Variants in MCM8 observed in about 807,000 individuals in gnomAD.
MCM8 encodes the protein DNA helicase MCM8.
In MCM8, 85 loss-of-function variants were observed where a neutral mutation model predicts 98.9. The observed-to-expected ratio is 0.86, with a 90% CI of 0.72 to 1.03. MCM8 has a LOEUF of 1.03. MCM8 is among the 50% of genes least tolerant of loss of function. MCM8 has a pLI of 0.00. For synonymous variants in MCM8, 352 were observed against 338.6 expected, an observed-to-expected ratio of 1.04 and a Z score of -0.44; for missense variants, 951 against 997.8, an observed-to-expected ratio of 0.95 and a Z score of 0.63.
At position 5,984,839 on chromosome 20, in the gene MCM8, A is replaced by G. The variant is rs781138720; in HGVS notation, c.1792A>G (p.Asn598Asp). Residue 598 changes from asparagine to aspartate, a missense_variant, in exon 15 of 19, where the codon AAT becomes GAT. Coordinates refer to ENST00000610722, the MANE Select transcript of MCM8 (RefSeq NM_032485.6). Reference sequence around the variant, plus strand: ...GGTCTTTATCCTGTTAGATACTCCAAATGAGCATCATGATCACTTACTCTC... The same window carrying G: ...GGTCTTTATCCTGTTAGATACTCCAGATGAGCATCATGATCACTTACTCTC... Reference protein sequence around the residue: ...DLVFILLDTPNEHHDHLLSEH... With the variant: ...DLVFILLDTPDEHHDHLLSEH... 1 of 1,614,130 alleles carries G rather than the reference A, an allele frequency of 6.2e-7. No individual in the cohort carries two copies. The highest frequency in any genetic ancestry group is 1.1e-5 in the South Asian group (1 of 91,080).
intron 12 of MCM8, among the ~76,000 whole-genome samples, chr20:5,977,155 T>C (rs2089528553): frequency 6.6e-6 from 1 of 152,182 alleles, no homozygotes; most frequent in Non-Finnish European, 1.5e-5. Flanking sequence ...AGGATAACAG[T>C]GGGTGTTTGA....
intron 17 of MCM8, chr20:5,991,141 A>G (rs1197340854): frequency 6.6e-6 from 1 of 152,176 alleles, no homozygotes; most frequent in Non-Finnish European, 1.5e-5. Flanking sequence ...CGTCACCTCA[A>G]CTGTTTACTG....
intron 10 of MCM8, 108 bp from the exon 11 acceptor site, chr20:5,971,899 A>G: frequency 2.3e-6 from 2 of 864,734 alleles, no homozygotes; most frequent in East Asian, 5.3e-5. Context: ...TAAATTTTTT[A>G]CATTTGTCTT....
intron 13 of MCM8, among the ~76,000 whole-genome samples, chr20:5,980,703 C>G (rs1253674549): frequency 6.6e-6 from 1 of 152,040 alleles, no homozygotes; most frequent in Non-Finnish European, 1.5e-5. Flanking sequence ...AAAACCCTGT[C>G]TCTACTAAAA....
At chr20:5,992,992 A>C (rs2089884016) in intron 17 of MCM8, among the ~76,000 whole-genome samples, 1 of 152,192 alleles carries the variant, frequency 6.6e-6, no homozygotes, top group Non-Finnish European at 1.5e-5. Flanking sequence ...TGTGAAAATT[A>C]GAGAAAGCAG....
intron 15 of MCM8, among the ~76,000 whole-genome samples, 165 bp downstream of exon 15, chr20:5,985,165 G>A (rs1372848746): frequency 1.3e-5 from 2 of 152,114 alleles, no homozygotes; most frequent in African/African-American, 4.8e-5. Context: ...ATCCAAGTCG[G>A]CCTGGCGTGG....
chr20:5,964,505 CTG>C (rs2089232375), intron 8 of MCM8: 3 of 152,312 alleles, frequency 2.0e-5, no homozygotes, highest in South Asian at 2.1e-4. Flanking sequence ...CCAACCTAGT[CTG>C]TGGGACTTTT....
chr20:5,954,579 T>G (rs1250122263), intron 3 of MCM8, 29 bp from the exon 4 acceptor site: 5 of 1,329,844 alleles, frequency 3.8e-6, no homozygotes, highest in Non-Finnish European at 5.4e-6. Flanking sequence ...GTGTGATTAT[T>G]TGTGCTAATG....
chr20:5,972,942 T>A, intron 11 of MCM8, 114 bp from the exon 12 acceptor site: 1 of 1,380,778 alleles, frequency 7.2e-7, no homozygotes, highest in Non-Finnish European at 9.7e-7. Flanking sequence ...AAAATTATCA[T>A]GCTTTTAAAA....
intron 6 of MCM8, 137 bp downstream of exon 6, chr20:5,957,366 A>T (rs1332089194): frequency 1.8e-6 from 1 of 552,660 alleles, no homozygotes; most frequent in Non-Finnish European, 3.2e-6. Flanking sequence ...TGATCATCAC[A>T]CTGAAATAAA....
At chr20:5,951,638 C>A (rs1338376301) in intron 1 of MCM8, among the ~76,000 whole-genome samples, 1 of 152,130 alleles carries the variant, frequency 6.6e-6, no homozygotes, top group African/African-American at 2.4e-5. Flanking sequence ...TCCTGTCCTG[C>A]CCTATAATAA....
At chr20:5,955,951 T>G (rs1316327355) in intron 5 of MCM8, among the ~76,000 whole-genome samples, 1 of 151,614 alleles carries the variant, frequency 6.6e-6, no homozygotes. Context: ...GGAGTTTTAG[T>G]AGAGACGGGG....
Position 5,983,130 on chromosome 20 carries a change from T to C in MCM8, c.1698T>C (p.His566=). The C allele has an allele frequency of 6.2e-7, 1 of 1,613,654 alleles. No homozygotes were observed. Among genetic ancestry groups the C allele is most frequent in the Admixed American group, 1.7e-5 (1 of 59,904 alleles). The change falls in exon 14 of 19, where the codon CAT becomes CAC. Residue 566 remains histidine, a synonymous_variant. Transcript: ENST00000610722. The part of the protein sequence containing the change: ...IIAAANPVGG[H]YNKAKTVSEN... ...CTGCTGCAAATCCAGTTGGAGGACA[T>C]TACAATAAAGCCAAAACAGTTTCTG...
At chr20:5,972,461 G>C (rs917535699) in intron 11 of MCM8, 1 of 255,414 alleles carries the variant, frequency 3.9e-6, no homozygotes, top group East Asian at 1.3e-4. Flanking sequence ...ACCCAATTTA[G>C]CCTCCAAAGT....
At position 5,990,430 on chromosome 20, in the gene MCM8, G is replaced by T. The variant is rs537536389; in HGVS notation, c.2240+3072G>T. Among the ~76,000 whole-genome samples, 487 of 152,248 alleles carry T rather than the reference G, an allele frequency of 3.2e-3. 4 individuals are homozygous for T. The highest frequency in any genetic ancestry group is 4.9e-3 in the Non-Finnish European group (336 of 68,016). The stretch of plus-strand genomic sequence containing the variant: ...TCTCTTTATGTGATTCAGTACTAGG[G>T]TTTGAGGGATCTTGTAGCTGAAAAT... On this transcript the variant is annotated intron_variant, in intron 17 of 18. Transcript: ENST00000610722.
intron 17 of MCM8, chr20:5,990,813 AATG>A (rs1266777873): frequency 6.6e-6 from 1 of 152,182 alleles, no homozygotes; most frequent in Non-Finnish European, 1.5e-5. Flanking sequence ...CTTCTTATTT[AATG>A]ATGAGAAGTT....
At chr20:5,972,168 G>T in intron 11 of MCM8, 131 bp downstream of exon 11, 1 of 545,926 alleles carries the variant, frequency 1.8e-6, no homozygotes. Context: ...GTAAATTAAT[G>T]ATATGGGAGG....
At chr20:5,969,704 T>C (rs2089360553) in intron 10 of MCM8, among the ~76,000 whole-genome samples, 1 of 152,166 alleles carries the variant, frequency 6.6e-6, no homozygotes. Context: ...ATTAGCTGAC[T>C]GAGTAAAGAA....
At chr20:5,964,746 C>A (rs1431693252) in intron 8 of MCM8, 3 of 152,060 alleles carry the variant, frequency 2.0e-5, no homozygotes, top group Admixed American at 1.3e-4. Context: ...CAGCGCCTGG[C>A]CCATGACCTG....
Sources: gnomAD v4.1 joint callset for allele counts (sites outside exome capture counted in the v4.1 genomes callset) on GRCh38, gnomAD v4.1.1 for gene constraint, MANE v1.5 for transcripts, NCBI Gene and HGNC (gene_info 2026-07-23, HGNC 2026-07-21) for gene names.